GPA33: variants seen among roughly 807,000 people sequenced by gnomAD.
GPA33 encodes the protein glycoprotein A33.
GPA33 carries 27 observed loss-of-function variants against 35.6 expected under a neutral mutation model. The ratio of observed to expected loss-of-function variants is 0.76; its 90% CI spans 0.56 to 1.04. The LOEUF (loss-of-function observed/expected upper bound fraction) is 1.04, where lower values mean the gene tolerates loss of function less well. Ranked by LOEUF, GPA33 falls within the 50% of genes least tolerant of loss-of-function variation. GPA33 has a pLI of 0.00. For missense variants in GPA33, 428 were observed against 411.9 expected (o/e 1.04, Z -0.34); for synonymous variants, 176 against 164.0 (o/e 1.07, Z -0.56).
chr1:167,054,747 A>C (rs1666197866), intron 6 of GPA33, among the ~76,000 whole-genome samples: 1 of 152,164 alleles, frequency 6.6e-6, no homozygotes, highest in Non-Finnish European at 1.5e-5. Flanking sequence ...TAGTCATGCC[A>C]CAGGAAGCCC....
chr1:167,070,793 A>AG, intron 2 of GPA33, among the ~76,000 whole-genome samples: 1 of 152,174 alleles, frequency 6.6e-6, no homozygotes, highest in South Asian at 2.1e-4. Context: ...GAGGAGTATG[A>AG]AAGTGGGGGC....
At chr1:167,090,005 C>T (rs1667123420) in intron 1 of GPA33, among the ~76,000 whole-genome samples, 2 of 152,084 alleles carry the variant, frequency 1.3e-5, no homozygotes, top group Admixed American at 6.5e-5. Flanking sequence ...AAAATATGGT[C>T]TTGAGAGTAC....
chr1:167,062,314 T>C lies in GPA33; in HGVS notation c.571+1268A>G, dbSNP rs185677294. On this transcript the variant is annotated intron_variant, in intron 4 of 6. Coordinates refer to ENST00000367868, the MANE Select transcript of GPA33 (RefSeq NM_005814.3). ...CACTGCAGCCTCGACCTCCAGAGCTTAAGCAATCCTCCCACCTCAGCCTTC... is the reference window on the plus strand; with the variant it reads ...CACTGCAGCCTCGACCTCCAGAGCTCAAGCAATCCTCCCACCTCAGCCTTC... 8.7e-3 allele frequency among the ~76,000 whole-genome samples: 1,326 copies of C among 151,988 alleles called. 22 individuals are homozygous for C. The highest frequency in any genetic ancestry group is 0.03 in the African/African-American group (1,247 of 41,410).
chr1:167,062,787 T>A (rs1388900887), intron 4 of GPA33, among the ~76,000 whole-genome samples: 1 of 151,034 alleles, frequency 6.6e-6, no homozygotes, highest in Non-Finnish European at 1.5e-5. Flanking sequence ...AGCAACATGG[T>A]GCTGTCGTTG....
chr1:167,058,401 CAAT>C (rs1666361094), intron 4 of GPA33: 2 of 152,032 alleles, frequency 1.3e-5, no homozygotes, highest in African/African-American at 4.8e-5. Flanking sequence ...AGACATGAAA[CAAT>C]GATGGTTACA....
intron 3 of GPA33, among the ~76,000 whole-genome samples, chr1:167,067,754 A>C (rs1056545632): frequency 6.6e-6 from 1 of 152,206 alleles, no homozygotes; most frequent in African/African-American, 2.4e-5. Context: ...GTAGATCTGC[A>C]TGTGCCGATC....
chr1:167,073,863 C>T (rs1253196273), intron 1 of GPA33, among the ~76,000 whole-genome samples: 6 of 152,096 alleles, frequency 3.9e-5, no homozygotes, highest in African/African-American at 1.4e-4. Flanking sequence ...AGCTCTAATA[C>T]TTATTTCCTT....
intron 3 of GPA33, among the ~76,000 whole-genome samples, chr1:167,067,828 T>A (rs1460941271): frequency 6.6e-6 from 1 of 152,116 alleles, no homozygotes; most frequent in Non-Finnish European, 1.5e-5. Context: ...ATAACATGAT[T>A]CCATTTTTTT....
intron 4 of GPA33, among the ~76,000 whole-genome samples, chr1:167,056,781 G>A (rs1558002082): frequency 0.11 from 102 of 920 alleles, no homozygotes; most frequent in East Asian, 0.14. Flanking sequence ...TGTGTGGCAT[G>A]TGTAGTGTGG....
intron 1 of GPA33, among the ~76,000 whole-genome samples, chr1:167,075,865 G>T (rs1377852019): frequency 2.6e-5 from 4 of 152,206 alleles, no homozygotes. Flanking sequence ...AGAACCAAGA[G>T]CAGGAAAAGT....
intron 1 of GPA33, among the ~76,000 whole-genome samples, chr1:167,088,010 C>G (rs79007618): frequency 0.17 from 25,700 of 152,056 alleles, 2,382 homozygotes; most frequent in Middle Eastern, 0.24. Flanking sequence ...CGTTTGTGCC[C>G]CCTGCATGGA....
chr1:167,087,410 T>C (rs1401593928), intron 1 of GPA33, among the ~76,000 whole-genome samples: 1 of 152,224 alleles, frequency 6.6e-6, no homozygotes, highest in East Asian at 1.9e-4. Context: ...AGTGTGAATT[T>C]TACACCCCTC....
At chr1:167,061,255 T>A (rs2102174864) in intron 4 of GPA33, among the ~76,000 whole-genome samples, 1 of 152,344 alleles carries the variant, frequency 6.6e-6, no homozygotes, top group African/African-American at 2.4e-5. Flanking sequence ...CTGTGTTACA[T>A]CACCACTGGG....
chr1:167,056,610 A>ATGTG (rs1558001657), intron 4 of GPA33, among the ~76,000 whole-genome samples: 2 of 502 alleles, frequency 4.0e-3, no homozygotes, highest in African/African-American at 9.4e-3. Flanking sequence ...TGGTGTGTGT[A>ATGTG]GTGTGTGTGG....
intron 1 of GPA33, among the ~76,000 whole-genome samples, chr1:167,081,527 C>A (rs1344917807): frequency 6.6e-6 from 1 of 152,168 alleles, no homozygotes; most frequent in East Asian, 1.9e-4. Context: ...AATGTTGAAC[C>A]GTTCATTCAA....
At chr1:167,079,829 T>A (rs1666890515) in intron 1 of GPA33, among the ~76,000 whole-genome samples, 1 of 152,196 alleles carries the variant, frequency 6.6e-6, no homozygotes, top group South Asian at 2.1e-4. Context: ...AATCACCAGC[T>A]TTTTCACCTC....
intron 4 of GPA33, among the ~76,000 whole-genome samples, chr1:167,061,715 A>G (rs967585740): frequency 4.8e-5 from 7 of 145,006 alleles, no homozygotes; most frequent in Admixed American, 1.5e-4. Flanking sequence ...CCATTCTCCT[A>G]CCTCAGCCTC....
At chr1:167,061,586 GTTTTTTTTT>G (rs397981830) in intron 4 of GPA33, among the ~76,000 whole-genome samples, 3 of 74,626 alleles carry the variant, frequency 4.0e-5, no homozygotes, top group African/African-American at 5.6e-5. Flanking sequence ...TCTACTAACT[GTTTTTTTTT>G]TTTTTTTTTT....
At chr1:167,055,888 C>T (rs758373722) in intron 4 of GPA33, 39 bp from the exon 5 acceptor site, 1 of 1,611,670 alleles carries the variant, frequency 6.2e-7, no homozygotes, top group Non-Finnish European at 8.5e-7. Flanking sequence ...AGAGGCACTA[C>T]AGTGGAGTGG....
Sources: gnomAD v4.1 joint callset for allele counts (sites outside exome capture counted in the v4.1 genomes callset) on GRCh38, gnomAD v4.1.1 for gene constraint, MANE v1.5 for transcripts, NCBI Gene and HGNC (gene_info 2026-07-23, HGNC 2026-07-21) for gene names.